Variants in SEPTIN11 observed in about 807,000 individuals in gnomAD.
The protein encoded by SEPTIN11 is septin 11.
SEPTIN11 carries 25 observed loss-of-function variants against 51.4 expected under a neutral mutation model. The ratio of observed to expected loss-of-function variants is 0.49; its 90% CI spans 0.35 to 0.68. The LOEUF is 0.68. Ranked by LOEUF, SEPTIN11 falls within the 30% of genes least tolerant of loss-of-function variation. SEPTIN11 has a pLI of 0.00. For synonymous variants in SEPTIN11, 174 were observed against 184.1 expected (o/e 0.95, Z 0.44); for missense variants, 381 against 520.8 (o/e 0.73, Z 2.61).
chr4:77,014,635 T>G (rs1264911582), intron 4 of SEPTIN11, among the ~76,000 whole-genome samples: 2 of 150,874 alleles, frequency 1.3e-5, no homozygotes, highest in Non-Finnish European at 2.9e-5. Context: ...AGGTAGAAAG[T>G]CTGATTTTCA....
chr4:76,971,228 A>G (rs1485329890), intron 1 of SEPTIN11, among the ~76,000 whole-genome samples: 1 of 152,198 alleles, frequency 6.6e-6, no homozygotes, highest in Non-Finnish European at 1.5e-5. Context: ...CAATCAGTTG[A>G]AACCATTAAA....
chr4:76,955,733 C>G (rs930001892), intron 1 of SEPTIN11, among the ~76,000 whole-genome samples: 1 of 151,926 alleles, frequency 6.6e-6, no homozygotes, highest in Non-Finnish European at 1.5e-5. Flanking sequence ...CAAATTGAAC[C>G]CTTAAAGAAT....
At chr4:77,011,279 C>T (rs1183358879) in intron 3 of SEPTIN11, among the ~76,000 whole-genome samples, 1 of 152,132 alleles carries the variant, frequency 6.6e-6, no homozygotes, top group Non-Finnish European at 1.5e-5. Context: ...GAGAGGCTAT[C>T]ACAGTCACTT....
At chr4:76,995,735 C>A in intron 1 of SEPTIN11, 14 of 1,413,578 alleles carry the variant, frequency 9.9e-6, no homozygotes, top group Non-Finnish European at 1.3e-5. Context: ...AGCTTCCAGC[C>A]ATATCCTATG....
chr4:76,965,249 G>A lies in SEPTIN11; in HGVS notation c.27+15319G>A, dbSNP rs181576061. Among the ~76,000 whole-genome samples, 887 of 152,088 alleles carry A rather than the reference G, an allele frequency of 5.8e-3. 6 individuals carry two copies. Among genetic ancestry groups the A allele is most frequent in the African/African-American group, 0.021 (851 of 41,472 alleles). The stretch of plus-strand genomic sequence containing the variant: ...GCGGATCACCTGAGGTCAGGAGTTC[G>A]AGACCAGCCTGGCCAACATGGTGAA... On this transcript the variant is annotated intron_variant, in intron 1 of 9. Transcript: ENST00000264893.
At chr4:77,028,445 G>C (rs1305173504) in intron 7 of SEPTIN11, among the ~76,000 whole-genome samples, 184 bp from the exon 8 acceptor site, 1 of 152,174 alleles carries the variant, frequency 6.6e-6, no homozygotes, top group African/African-American at 2.4e-5. Flanking sequence ...TCTAGTTCTT[G>C]ATGCACTTGT....
At chr4:76,959,289 T>G (rs1344652153) in intron 1 of SEPTIN11, 2 of 159,398 alleles carry the variant, frequency 1.3e-5, no homozygotes, top group African/African-American at 4.8e-5. Flanking sequence ...ATAATTATTA[T>G]TTTTAATGGA....
chr4:76,996,615 C>A, intron 2 of SEPTIN11, 76 bp downstream of exon 2: 2 of 1,039,712 alleles, frequency 1.9e-6, no homozygotes, highest in Admixed American at 1.9e-5. Flanking sequence ...AGACATGCTT[C>A]AGTGAAATAA....
intron 1 of SEPTIN11, among the ~76,000 whole-genome samples, chr4:76,971,274 T>C (rs757125453): frequency 2.6e-5 from 4 of 152,168 alleles, no homozygotes; most frequent in Non-Finnish European, 5.9e-5. Context: ...ACCTATGAGA[T>C]GTTAATATTA....
At chr4:76,955,434 T>C (rs1270256919) in intron 1 of SEPTIN11, among the ~76,000 whole-genome samples, 1 of 151,976 alleles carries the variant, frequency 6.6e-6, no homozygotes, top group Non-Finnish European at 1.5e-5. Flanking sequence ...TCTTAAGAAA[T>C]CCAATGTAGC....
At chr4:77,026,950 C>T (rs1022418327) in intron 7 of SEPTIN11, among the ~76,000 whole-genome samples, 6 of 152,096 alleles carry the variant, frequency 3.9e-5, no homozygotes, top group Non-Finnish European at 8.8e-5. Context: ...TTAATATTAG[C>T]CAACACTAAC....
intron 1 of SEPTIN11, among the ~76,000 whole-genome samples, chr4:76,981,240 A>G (rs777152869): frequency 6.6e-6 from 1 of 152,206 alleles, no homozygotes; most frequent in Non-Finnish European, 1.5e-5. Context: ...TTATTCAGAC[A>G]TATCAACATG....
intron 1 of SEPTIN11, among the ~76,000 whole-genome samples, chr4:76,954,914 C>A (rs747078776): frequency 5.3e-5 from 8 of 152,060 alleles, no homozygotes; most frequent in Non-Finnish European, 7.4e-5. Context: ...CTAAAAGGAC[C>A]ATTTTTCTGA....
Position 77,037,081 on chromosome 4 carries a change from G to A in SEPTIN11, c.*2569G>A. The A allele has an allele frequency of 9.0e-7, 1 of 1,109,376 alleles. No homozygotes were observed. The highest frequency in any genetic ancestry group is 1.1e-6 in the Non-Finnish European group (1 of 911,598). The allele number at this position is 1,109,376 out of a possible 1,614,324, so 68.7% of individuals were successfully genotyped here. On this transcript the variant is annotated 3_prime_UTR_variant, in exon 10 of 10. Transcript: ENST00000264893. ...TGGAAATCCGAAATTACTAATCCAG[G>A]CCAGGTGTGGTGGCTCATGCCTGTA...
chr4:76,983,558 T>C (rs1408954739), intron 1 of SEPTIN11, among the ~76,000 whole-genome samples: 1 of 152,234 alleles, frequency 6.6e-6, no homozygotes, highest in Non-Finnish European at 1.5e-5. Flanking sequence ...TTGTGACCTA[T>C]GAAACTGACT....
intron 9 of SEPTIN11, chr4:77,032,137 T>G (rs1403144725): frequency 6.6e-6 from 1 of 152,084 alleles, no homozygotes; most frequent in Non-Finnish European, 1.5e-5. Flanking sequence ...GCAGTAAAAA[T>G]AAAAATGGAC....
chr4:77,034,153 G>C (rs1011998088), intron 9 of SEPTIN11, among the ~76,000 whole-genome samples: 1 of 152,206 alleles, frequency 6.6e-6, no homozygotes, highest in African/African-American at 2.4e-5. Flanking sequence ...CAGTACTAAT[G>C]GGACACCCAA....
chr4:77,005,821 C>T (rs1023964235), intron 3 of SEPTIN11, 25 bp downstream of exon 3: 1 of 1,600,452 alleles, frequency 6.2e-7, no homozygotes, highest in Non-Finnish European at 8.5e-7. Flanking sequence ...TTTGGGGGGA[C>T]ATGAATGGAT....
intron 1 of SEPTIN11, among the ~76,000 whole-genome samples, chr4:76,991,709 C>T (rs1260121575): frequency 3.3e-5 from 5 of 152,178 alleles, no homozygotes; most frequent in African/African-American, 1.2e-4. Flanking sequence ...CATGCCTTCC[C>T]GTAGTTGACG....
Sources: allele counts gnomAD v4.1 joint callset (sites outside exome capture counted in the v4.1 genomes callset), GRCh38; gene constraint gnomAD v4.1.1; transcripts MANE v1.5; gene names NCBI Gene and HGNC (gene_info 2026-07-23, HGNC 2026-07-21).